Variants in TRIM40 observed in about 807,000 individuals in gnomAD.
TRIM40 encodes the protein tripartite motif containing 40, also known as E3 ubiquitin ligase TRIM40.
TRIM40 carries 27 observed loss-of-function variants against 26.1 expected under a neutral mutation model. The observed-to-expected ratio is 1.04, with a 90% confidence interval of 0.76 to 1.43. The LOEUF is 1.43. Ranked by LOEUF, TRIM40 falls within the 40% of genes most tolerant of loss-of-function variation. The pLI, the probability that TRIM40 is intolerant of heterozygous loss-of-function variation, is 0.00. For missense variants in TRIM40, 289 were observed against 307.9 expected, an observed-to-expected ratio of 0.94 and a Z score of 0.46; for synonymous variants, 114 against 120.0, an observed-to-expected ratio of 0.95 and a Z score of 0.33.
chr6:30,147,686 G>A, intron 5 of TRIM40, 39 bp from the exon 6 acceptor site: 1 of 1,605,306 alleles, frequency 6.2e-7, no homozygotes, highest in Middle Eastern at 1.7e-4. Flanking sequence ...TGGAATATAT[G>A]AATACATATT....
intron 2 of TRIM40, among the ~76,000 whole-genome samples, chr6:30,141,926 GGACAGACAGCAAACAAGAAGGT>G (rs919860036): frequency 2.0e-5 from 3 of 152,132 alleles, no homozygotes; most frequent in African/African-American, 7.2e-5. Context: ...GGCTGCCTGA[GGACAGACAGCAAACAAGAAGGT>G]GATGGTACAT....
chr6:30,138,643 C>T (rs58881669), intron 2 of TRIM40, among the ~76,000 whole-genome samples: 1,691 of 152,210 alleles, frequency 0.011, 24 homozygotes, highest in African/African-American at 0.034. Context: ...TTTCAGAATT[C>T]GTGCAGATAT....
rs17188050 is a variant in TRIM40, at chr6:30,147,996, C to T, written c.*184C>T. The T allele has an allele frequency of 0.025, 15,470 of 609,468 alleles. 425 individuals are homozygous for T. Among genetic ancestry groups the T allele is most frequent in the African/African-American group, 0.1 (5,668 of 54,150 alleles). The allele number at this position is 609,468 out of a possible 1,614,324, so 37.8% of individuals were successfully genotyped here. Reference sequence around the variant, plus strand: ...GATGCCTGACCCTCTGACTCTTGGACGATAGCCAGCCTCCTTCCAGGACAG... The same window carrying T: ...GATGCCTGACCCTCTGACTCTTGGATGATAGCCAGCCTCCTTCCAGGACAG... On this transcript the variant is annotated 3_prime_UTR_variant, in exon 6 of 6. Coordinates refer to ENST00000396581, the MANE Select transcript of TRIM40 (RefSeq NM_001286633.2).
Position 30,147,880 on chromosome 6 carries a change from G to A in TRIM40, c.*68G>A, listed in dbSNP as rs1022681084. 6 of 1,405,300 alleles carry A rather than the reference G, an allele frequency of 4.3e-6. No individual in the cohort carries two copies. The highest frequency in any genetic ancestry group is 6.1e-6 in the Non-Finnish European group (6 of 991,528). The allele number at this position is 1,405,300 out of a possible 1,614,324, so 87.1% of individuals were successfully genotyped here. ...CTCCTCTCTCTCCTTCCTCCAACCTGTCCAGGCCCCCACTGGGTCTACCCA... is the reference window on the plus strand; with the variant it reads ...CTCCTCTCTCTCCTTCCTCCAACCTATCCAGGCCCCCACTGGGTCTACCCA... On this transcript the variant is annotated 3_prime_UTR_variant, in exon 6 of 6. Transcript: ENST00000396581.
rs761527976 is a variant in TRIM40, at chr6:30,137,211, C to T, written c.175C>T (p.Pro59Ser). ...GVFCCPLCRK[P>S]CSEEVLGTGY... ...CTTCTGCTGCCCCCTCTGCCGGAAG[C>T]CCTGTTCTGAGGAGGTGCTAGGGAC... Residue 59 changes from proline (P) to serine (S), a missense_variant, in exon 2 of 6, where the codon CCC (proline) becomes TCC (serine). Transcript: ENST00000396581. The T allele has an allele frequency of 1.2e-6, 2 of 1,612,944 alleles. No homozygotes were observed. Among genetic ancestry groups the T allele is most frequent in the Non-Finnish European group, 1.7e-6 (2 of 1,180,040 alleles).
Position 30,136,997 on chromosome 6 carries a change from G to A in TRIM40, c.-40G>A, listed in dbSNP as rs764682654. ...CCTTCCGAAGACCAGTGAAGAAGGA[G>A]GCCCTGCAAACAGGAGGCTGACAGG... On this transcript the variant is annotated 5_prime_UTR_variant, in exon 2 of 6. Transcript: ENST00000396581. 6.3e-7 allele frequency: 1 copy of A among 1,580,478 alleles called. No homozygotes were observed. Among genetic ancestry groups the A allele is most frequent in the Non-Finnish European group, 8.6e-7 (1 of 1,159,022 alleles).
intron 2 of TRIM40, 46 bp from the exon 3 acceptor site, chr6:30,145,948 C>G: frequency 6.7e-7 from 1 of 1,503,102 alleles, no homozygotes; most frequent in Admixed American, 1.7e-5. Flanking sequence ...CCAGTGGGTG[C>G]CCCCCTCACT....
chr6:30,142,464 A>G (rs116114526), intron 2 of TRIM40, among the ~76,000 whole-genome samples: 5,064 of 152,282 alleles, frequency 0.033, 122 homozygotes, highest in Middle Eastern at 0.068. Flanking sequence ...TTGCATCAAA[A>G]TAGTTTATCT....
Position 30,147,552 on chromosome 6 carries a change from G to A in TRIM40, c.689+10G>A. ...GTGACTTACTGAACAGGTACGAGCT[G>A]TCCCTTCTTCTTTCCCACATGTGCA... On this transcript the variant is annotated intron_variant, in intron 5 of 5. Coordinates refer to ENST00000396581, the MANE Select transcript of TRIM40 (RefSeq NM_001286633.2). The A allele has an allele frequency of 6.2e-7, 1 of 1,614,144 alleles. No homozygotes were observed. The highest frequency in any genetic ancestry group is 1.6e-4 in the Middle Eastern group (1 of 6,062).
At chr6:30,141,481 T>A (rs1490647570) in intron 2 of TRIM40, among the ~76,000 whole-genome samples, 1 of 152,136 alleles carries the variant, frequency 6.6e-6, no homozygotes, top group Non-Finnish European at 1.5e-5. Flanking sequence ...ACAGGATGAG[T>A]TGCCAGAAAG....
At chr6:30,146,201 C>T (rs1771636732) in intron 3 of TRIM40, 112 bp downstream of exon 3, 6 of 913,990 alleles carry the variant, frequency 6.6e-6, no homozygotes, top group South Asian at 1.5e-5. Context: ...GGCAGATGGT[C>T]GTGGAGGCTG....
intron 2 of TRIM40, among the ~76,000 whole-genome samples, chr6:30,143,865 T>A (rs1771495864): frequency 6.6e-6 from 1 of 152,252 alleles, no homozygotes; most frequent in Non-Finnish European, 1.5e-5. Context: ...TGCCTTTATC[T>A]TTATTACTGT....
At chr6:30,140,400 A>G (rs925632544) in intron 2 of TRIM40, among the ~76,000 whole-genome samples, 4 of 152,192 alleles carry the variant, frequency 2.6e-5, no homozygotes, top group Non-Finnish European at 5.9e-5. Context: ...ATAAAAACAG[A>G]TGAGTTCACG....
chr6:30,145,801 C>T (rs1188902603), intron 2 of TRIM40, among the ~76,000 whole-genome samples, 193 bp from the exon 3 acceptor site: 1 of 152,118 alleles, frequency 6.6e-6, no homozygotes, highest in Non-Finnish European at 1.5e-5. Flanking sequence ...TACTATTTCC[C>T]CCCATCATTA....
At chr6:30,137,915 G>A (rs1030567472) in intron 2 of TRIM40, among the ~76,000 whole-genome samples, 1 of 152,056 alleles carries the variant, frequency 6.6e-6, no homozygotes, top group African/African-American at 2.4e-5. Flanking sequence ...GTTACATGCT[G>A]TAGGTAATAA....
At chr6:30,144,735 G>A (rs1240162261) in intron 2 of TRIM40, among the ~76,000 whole-genome samples, 3 of 152,134 alleles carry the variant, frequency 2.0e-5, no homozygotes, top group South Asian at 2.1e-4. Context: ...GAGGAATGAC[G>A]ACAGTGAGGA....
chr6:30,141,576 T>C (rs1490868548), intron 2 of TRIM40, among the ~76,000 whole-genome samples: 3 of 152,152 alleles, frequency 2.0e-5, no homozygotes, highest in African/African-American at 4.8e-5. Flanking sequence ...CATTGAACAA[T>C]GCTAACACTT....
intron 2 of TRIM40, among the ~76,000 whole-genome samples, chr6:30,144,988 G>T (rs140831302): frequency 9.9e-5 from 15 of 152,246 alleles, no homozygotes; most frequent in Admixed American, 3.3e-4. Flanking sequence ...GAAACACCCA[G>T]TGACGTGACA....
rs1481811844 is a variant in TRIM40, at chr6:30,137,089, A to G, written c.53A>G (p.Gln18Arg). 1.2e-6 allele frequency: 2 copies of G among 1,613,064 alleles called. No individual in the cohort carries two copies. Among genetic ancestry groups the G allele is most frequent in the Non-Finnish European group, 1.7e-6 (2 of 1,180,028 alleles). The change falls in exon 2 of 6, where the codon CAG becomes CGG. Residue 18 changes from glutamine to arginine, a missense_variant. By Grantham distance (43) the Gln-to-Arg change is conservative. Transcript: ENST00000396581. ...GAGGAGGGTGTCTGCCCCATCTGCC[A>G]GGAGAGCCTGAAGGAGGCCGTGAGC... ...NQEEGVCPIC[Q>R]ESLKEAVSTN...
Sources: gnomAD v4.1 joint callset for allele counts (sites outside exome capture counted in the v4.1 genomes callset) on GRCh38, gnomAD v4.1.1 for gene constraint, MANE v1.5 for transcripts, NCBI Gene and HGNC (gene_info 2026-07-23, HGNC 2026-07-21) for gene names.